The following SHTN1 variants were observed in gnomAD, a reference collection of about 807,000 sequenced individuals.
SHTN1 encodes the protein shootin-1.
Under a neutral mutation model 83.1 loss-of-function variants are expected in SHTN1, and 42 were observed. The observed-to-expected ratio is 0.51, with a 90% CI of 0.39 to 0.65. The LOEUF (loss-of-function observed/expected upper bound fraction) is 0.65, where lower values mean the gene tolerates loss of function less well. Ranked by LOEUF, SHTN1 falls within the 30% of genes least tolerant of loss-of-function variation. SHTN1 has a pLI of 0.00. For synonymous variants in SHTN1, 224 were observed against 247.7 expected (o/e 0.90, Z 0.90); for missense variants, 622 against 737.8 (o/e 0.84, Z 1.82).
At chr10:117,005,263 G>C (rs1032541827), upstream of SHTN1, 17 of 1,445,726 alleles carry the variant, frequency 1.2e-5, no homozygotes, top group Non-Finnish European at 1.3e-5. Context: ...GCACCTACTC[G>C]GCGGCTGCGG....
At chr10:117,115,074 T>A (rs1285533555) in intron 1 of SHTN1, among the ~76,000 whole-genome samples, 1 of 152,204 alleles carries the variant, frequency 6.6e-6, no homozygotes, top group African/African-American at 2.4e-5. Flanking sequence ...TTTTAACTCT[T>A]TGGGGGTCAT....
chr10:117,030,125 G>C (rs1301145560), intron 2 of SHTN1, among the ~76,000 whole-genome samples: 1 of 152,060 alleles, frequency 6.6e-6, no homozygotes, highest in African/African-American at 2.4e-5. Flanking sequence ...TTGACCTCGT[G>C]ATCTGCCCAC....
intron 1 of SHTN1, among the ~76,000 whole-genome samples, 161 bp downstream of exon 1, chr10:117,004,861 G>A (rs1851954385): frequency 6.6e-6 from 1 of 152,198 alleles, no homozygotes; most frequent in African/African-American, 2.4e-5. Flanking sequence ...AGGCGCGCCG[G>A]CCACGGAGGA....
At chr10:117,103,754 TCTCGATCTCCTGACCTCATGATCCGCC>T (rs1166298266) in intron 1 of SHTN1, among the ~76,000 whole-genome samples, 2 of 152,034 alleles carry the variant, frequency 1.3e-5, no homozygotes, top group African/African-American at 2.4e-5. Flanking sequence ...GCCAGGATGG[TCTCGATCTCCTGACCTCATGATCCGCC>T]CTCCTTGGCC....
chr10:117,020,514 A>C (rs1961311), intron 2 of SHTN1, among the ~76,000 whole-genome samples: 95,730 of 147,956 alleles, frequency 0.65, 34,649 homozygotes, highest in Middle Eastern at 0.83. Context: ...AAAAAAAAAA[A>C]CCCACACTTA....
chr10:117,024,680 G>GA (rs1039705961), intron 2 of SHTN1, among the ~76,000 whole-genome samples: 1 of 151,442 alleles, frequency 6.6e-6, no homozygotes, highest in Non-Finnish European at 1.5e-5. Flanking sequence ...TTACCTTAAA[G>GA]AAAAAAAAGG....
In SHTN1 at chr10:117,125,113, C is replaced by A. The variant is rs572765596; in HGVS notation, c.-189+1194G>T. 7.4e-4 allele frequency among the ~76,000 whole-genome samples: 112 copies of A among 152,276 alleles called. 2 individuals are homozygous for A. In the South Asian group the frequency reaches 0.022, roughly 30 times the overall value. On this transcript the variant is annotated intron_variant, in intron 1 of 17. Coordinates refer to the SHTN1 transcript ENST00000392901. ...TATATTTGTCTCAGAATTGCAAGAA[C>A]CCCTCCGATGCTGGCAGACATCACT... is the stretch of plus-strand genomic sequence containing the variant.
rs1269006363 is a variant in SHTN1 at position 116,955,110 on chromosome 10, A to AAC, written c.268-901_268-900insGT. On this transcript the variant is annotated intron_variant, in intron 4 of 16. Coordinates refer to ENST00000355371, the MANE Select transcript of SHTN1 (RefSeq NM_001127211.3). ...AGTTCTACTTCACAGCAAAAAAAAA[A>AAC]AAAAAAAAAAGGAATCCTACTTTGT... 7.4e-4 allele frequency among the ~76,000 whole-genome samples: 112 copies of AAC among 151,966 alleles called. 2 individuals are homozygous for AAC. The South Asian group carries it at 0.022, about 30-fold the overall frequency.
chr10:116,973,863 A>G (rs1298184819), intron 2 of SHTN1: 1 of 1,286,012 alleles, frequency 7.8e-7, no homozygotes, highest in South Asian at 1.2e-5. Context: ...TACCTGTTTA[A>G]GAATCCTTGG....
At chr10:116,920,453 T>A (rs964537080) in intron 12 of SHTN1, among the ~76,000 whole-genome samples, 2 of 152,036 alleles carry the variant, frequency 1.3e-5, no homozygotes, top group African/African-American at 2.4e-5. Context: ...GAATTTTACC[T>A]CCCTAAATAG....
rs186485959 is a variant in SHTN1 at position 117,072,925 on chromosome 10, G to T, written c.-188-24415C>A. Among the ~76,000 whole-genome samples the T allele has an allele frequency of 4.1e-4, 62 of 152,268 alleles. 1 individual carries two copies. The East Asian group carries it at 0.011, about 28-fold the overall frequency. ...TATTAAGCTAATCTGGGAGGCACCAGAGAAAGGCAAAGCCCAATGCAAGGA... is the reference window on the plus strand; with the variant it reads ...TATTAAGCTAATCTGGGAGGCACCATAGAAAGGCAAAGCCCAATGCAAGGA... On this transcript the variant is annotated intron_variant, in intron 1 of 17. Transcript: ENST00000392901.
At chr10:116,989,189 G>A (rs1349391863) in intron 1 of SHTN1, among the ~76,000 whole-genome samples, 1 of 152,076 alleles carries the variant, frequency 6.6e-6, no homozygotes, top group Non-Finnish European at 1.5e-5. Flanking sequence ...CAGATTTACA[G>A]TAAAACTGCA....
At chr10:116,920,369 G>A (rs962691305) in intron 12 of SHTN1, among the ~76,000 whole-genome samples, 24 of 152,052 alleles carry the variant, frequency 1.6e-4, no homozygotes, top group African/African-American at 5.8e-4. Context: ...TGCTCAATGG[G>A]AGGGCCCTTC....
At chr10:117,017,252 G>T (rs948940831) in intron 2 of SHTN1, among the ~76,000 whole-genome samples, 2 of 152,186 alleles carry the variant, frequency 1.3e-5, no homozygotes, top group African/African-American at 4.8e-5. Flanking sequence ...AGCACTTTGG[G>T]AGGCCGAGGA....
rs375315711 is a variant in SHTN1, at chr10:117,103,831, C to G, written c.-189+22476G>C. Among the ~76,000 whole-genome samples, 63 of 152,040 alleles carry G rather than the reference C, an allele frequency of 4.1e-4. No homozygotes were observed. The South Asian group carries it at 0.012, about 29-fold the overall frequency. ...GATTACAGGTGTGAGCCACCGCACA[C>G]GGCCAATGTTTTCTTTTTTTAACTT... is the stretch of plus-strand genomic sequence containing the variant. On this transcript the variant is annotated intron_variant, in intron 1 of 17. Transcript: ENST00000392901.
At position 116,927,997 on chromosome 10, in the gene SHTN1, A is replaced by G. The variant is rs540449121; in HGVS notation, c.1013-106T>C. 3.6e-5 allele frequency: 47 copies of G among 1,309,050 alleles called. No homozygotes were observed. The African/African-American group carries it at 6.9e-4, about 19-fold the overall frequency. 81.1% of individuals were successfully genotyped at this position (1,309,050 alleles called of 1,614,324 possible). A position where few individuals can be genotyped will look rare whatever the true frequency, so the allele number is the denominator to read the frequency against. On this transcript the variant is annotated intron_variant, in intron 10 of 16. Coordinates refer to ENST00000355371, the MANE Select transcript of SHTN1 (RefSeq NM_001127211.3). ...CCTTTCTCAAAAGTAAGTTCTTTTT[A>G]TTAAGGCAAAATTAGAAATTTCAAT... is the stretch of plus-strand genomic sequence containing the variant.
chr10:117,005,569 G>A (rs1052527811), upstream of SHTN1: 1 of 997,538 alleles, frequency 1.0e-6, no homozygotes, highest in Non-Finnish European at 1.2e-6. Context: ...AGGTAGAGCG[G>A]GACGCAATGA....
chr10:117,065,843 AGG>A lies in SHTN1; in HGVS notation c.-188-17335_-188-17334del, dbSNP rs1564947458. ...AAGGAAGGAAGGAAGGAAGGAAGGA[AGG>A]AAGGAAGGAAAGGAGGGAGGGAGGG... On this transcript the variant is annotated intron_variant, in intron 1 of 17. Transcript: ENST00000392901. 2.2e-3 allele frequency among the ~76,000 whole-genome samples: 176 copies of A among 79,528 alleles called. 10 individuals carry two copies. Among genetic ancestry groups the A allele is most frequent in the East Asian group, 0.012 (17 of 1,444 alleles). The allele number at this position is 79,528 out of a possible 152,430, so 52.2% of individuals were successfully genotyped here.
At chr10:117,029,082 A>G (rs1852369950) in intron 2 of SHTN1, among the ~76,000 whole-genome samples, 1 of 152,216 alleles carries the variant, frequency 6.6e-6, no homozygotes, top group African/African-American at 2.4e-5. Context: ...GAGCTGCCCA[A>G]GGCCTTGGGA....
Sources: gnomAD v4.1 joint callset for allele counts (sites outside exome capture counted in the v4.1 genomes callset) on GRCh38, gnomAD v4.1.1 for gene constraint, MANE v1.5 for transcripts, NCBI Gene and HGNC (gene_info 2026-07-23, HGNC 2026-07-21) for gene names.